RAD51B: variants seen among roughly 807,000 people sequenced by gnomAD.
The protein encoded by RAD51B is RAD51 paralog B, also known as DNA repair protein RAD51 homolog 2.
RAD51B carries 38 observed loss-of-function variants against 42.2 expected under a neutral mutation model. That is an observed-to-expected ratio of 0.90 (90% confidence interval 0.70 to 1.18). The LOEUF is 1.18. RAD51B is among the 50% of genes most tolerant of loss of function. The pLI, the probability that RAD51B is intolerant of heterozygous loss-of-function variation, is 0.00. For synonymous variants in RAD51B, 154 were observed against 145.2 expected (o/e 1.06, Z -0.43); for missense variants, 373 against 400.7 (o/e 0.93, Z 0.59).
chr14:68,078,844 G>T (rs930886218), intron 7 of RAD51B, among the ~76,000 whole-genome samples: 3 of 152,158 alleles, frequency 2.0e-5, no homozygotes, highest in Admixed American at 2.0e-4. Context: ...TAAAAAATTA[G>T]TTGGGTGTGA....
chr14:68,562,997 C>T, intron 10 of RAD51B: 1 of 985,438 alleles, frequency 1.0e-6, no homozygotes, highest in Non-Finnish European at 1.2e-6. Context: ...CCGGTCCCTC[C>T]AGAGTTCACG....
intron 8 of RAD51B, among the ~76,000 whole-genome samples, chr14:68,373,942 G>A (rs2139960878): frequency 1.3e-5 from 2 of 152,268 alleles, no homozygotes; most frequent in African/African-American, 4.8e-5. Context: ...CTGAAACTCT[G>A]TAAGCCTTAT....
At chr14:68,185,595 G>A (rs918490377) in intron 7 of RAD51B, among the ~76,000 whole-genome samples, 5 of 152,070 alleles carry the variant, frequency 3.3e-5, no homozygotes, top group Admixed American at 3.3e-4. Context: ...TCAGGCAGAC[G>A]AGGCTTGCCT....
intron 7 of RAD51B, among the ~76,000 whole-genome samples, chr14:67,958,048 A>C (rs1722397907): frequency 6.6e-6 from 1 of 152,188 alleles, no homozygotes; most frequent in Non-Finnish European, 1.5e-5. Context: ...TTTTGTAAAT[A>C]TTTAGCTGTT....
chr14:68,082,042 C>T (rs983449434), intron 7 of RAD51B, among the ~76,000 whole-genome samples: 2 of 151,902 alleles, frequency 1.3e-5, no homozygotes, highest in African/African-American at 4.8e-5. Flanking sequence ...CTCACTGCAA[C>T]CTCCACCTTC....
intron 10 of RAD51B, among the ~76,000 whole-genome samples, chr14:68,642,415 T>C (rs936454368): frequency 1.3e-5 from 2 of 152,218 alleles, no homozygotes; most frequent in African/African-American, 4.8e-5. Context: ...GCATTATTTC[T>C]TCATTATCCT....
At chr14:67,911,396 A>G (rs1566954281) in intron 7 of RAD51B, among the ~76,000 whole-genome samples, 1 of 152,166 alleles carries the variant, frequency 6.6e-6, no homozygotes, top group Non-Finnish European at 1.5e-5. Flanking sequence ...AAGCTGGAGA[A>G]GTATTATTTT....
At chr14:68,030,041 T>C (rs945726506) in intron 7 of RAD51B, among the ~76,000 whole-genome samples, 8 of 152,234 alleles carry the variant, frequency 5.3e-5, no homozygotes, top group African/African-American at 1.9e-4. Context: ...GGACTTAAAA[T>C]ATTCAGTGAA....
chr14:68,499,531 A>G (rs1423025593), intron 10 of RAD51B, among the ~76,000 whole-genome samples: 1 of 152,176 alleles, frequency 6.6e-6, no homozygotes, highest in Admixed American at 6.5e-5. Flanking sequence ...CCAAAAAGAT[A>G]CGTCCATGTC....
At chr14:68,615,351 C>CT (rs528170840), downstream of RAD51B, among the ~76,000 whole-genome samples, 270 of 145,668 alleles carry the variant, frequency 1.9e-3, 1 homozygote, top group Middle Eastern at 0.011. Flanking sequence ...TTAAATTTTT[C>CT]TTTTTTTTTT....
chr14:68,599,604 A>G (rs1891139771), downstream of RAD51B, among the ~76,000 whole-genome samples: 1 of 152,228 alleles, frequency 6.6e-6, no homozygotes, highest in Non-Finnish European at 1.5e-5. Context: ...CGCCCCATCT[A>G]CATTAAACTT....
intron 7 of RAD51B, among the ~76,000 whole-genome samples, chr14:67,904,638 G>A (rs1016719859): frequency 2.0e-5 from 3 of 150,840 alleles, no homozygotes; most frequent in African/African-American, 4.9e-5. Flanking sequence ...AGGCTCCCAC[G>A]TAGCTGCTAA....
At chr14:68,097,575 C>T (rs2077217439) in intron 7 of RAD51B, among the ~76,000 whole-genome samples, 2 of 152,188 alleles carry the variant, frequency 1.3e-5, no homozygotes, top group African/African-American at 2.4e-5. Context: ...TCCATTTCCA[C>T]TGCTATTACC....
chr14:68,221,695 T>C (rs979305536), intron 7 of RAD51B, among the ~76,000 whole-genome samples: 1 of 152,120 alleles, frequency 6.6e-6, no homozygotes, highest in African/African-American at 2.4e-5. Flanking sequence ...TGGGACTCAA[T>C]TAAACTAAAA....
intron 7 of RAD51B, among the ~76,000 whole-genome samples, chr14:68,176,967 CT>C (rs1227810443): frequency 6.6e-6 from 1 of 152,152 alleles, no homozygotes; most frequent in African/African-American, 2.4e-5. Context: ...CTAAATCACT[CT>C]GTTCATAATA....
At chr14:68,557,244 A>G (rs2140009300) in intron 10 of RAD51B, among the ~76,000 whole-genome samples, 1 of 152,332 alleles carries the variant, frequency 6.6e-6, no homozygotes, top group African/African-American at 2.4e-5. Context: ...TTGTGAGTTG[A>G]AAATGCATTT....
intron 7 of RAD51B, among the ~76,000 whole-genome samples, chr14:68,028,217 G>A (rs140184730): frequency 2.8e-4 from 42 of 152,278 alleles, no homozygotes; most frequent in Admixed American, 1.3e-3. Context: ...TTGCAGTCAT[G>A]CCCTCTGTCA....
intron 10 of RAD51B, among the ~76,000 whole-genome samples, chr14:68,566,039 G>A (rs953976284): frequency 5.9e-5 from 9 of 152,324 alleles, no homozygotes; most frequent in African/African-American, 1.9e-4. Context: ...TCTTCTTGGT[G>A]CCAAGCCACC....
At chr14:67,923,303 T>TC (rs958920557) in intron 7 of RAD51B, among the ~76,000 whole-genome samples, 7 of 99,526 alleles carry the variant, frequency 7.0e-5, no homozygotes, top group Non-Finnish European at 1.1e-4. Flanking sequence ...TTTTTCTTTT[T>TC]TTTTTTTTTT....
Sources: gnomAD v4.1 joint callset for allele counts (sites outside exome capture counted in the v4.1 genomes callset) on GRCh38, gnomAD v4.1.1 for gene constraint, MANE v1.5 for transcripts, NCBI Gene and HGNC (gene_info 2026-07-23, HGNC 2026-07-21) for gene names.